BRCC3: variants seen among roughly 807,000 people sequenced by gnomAD.
BRCC3 encodes the protein BRCA1/BRCA2-containing complex subunit 3.
BRCC3 carries 15 observed loss-of-function variants against 28.0 expected under a neutral mutation model. The ratio of observed to expected loss-of-function variants is 0.54; its 90% CI spans 0.36 to 0.82. BRCC3 has a LOEUF of 0.82. Among genes scored for constraint, BRCC3 ranks in the 40% least tolerant of loss-of-function variants. The probability of loss-of-function intolerance (pLI) is 0.01; values close to 1 mark genes in which losing one functional copy is unlikely to be tolerated. For synonymous variants in BRCC3, 66 were observed against 80.3 expected (o/e 0.82, Z 0.95); for missense variants, 109 against 225.9 (o/e 0.48, Z 3.32).
intron 7 of BRCC3, among the ~76,000 whole-genome samples, chrX:155,096,727 C>G (rs1715249173): frequency 8.9e-6 from 1 of 112,141 alleles, no homozygotes; most frequent in African/African-American, 3.2e-5. Context: ...AAGAACAAAG[C>G]TGGAGAAATC....
At chrX:155,075,751 A>T (rs2074035136) in intron 3 of BRCC3, among the ~76,000 whole-genome samples, 1 of 112,218 alleles carries the variant, frequency 8.9e-6, no homozygotes, top group South Asian at 3.6e-4. Context: ...GTTTATCTGA[A>T]ATAATTTTTT....
intron 7 of BRCC3, among the ~76,000 whole-genome samples, chrX:155,097,857 G>T (rs1017649248): frequency 3.6e-5 from 4 of 111,922 alleles, no homozygotes; most frequent in South Asian, 7.4e-4. Context: ...TTAGCTGGGC[G>T]TGGTGGCAGA....
Position 155,116,697 on chromosome X carries a change from A to G in BRCC3, c.681-14A>G, listed in dbSNP as rs375022500. ...TGCTGCTTTGCCACTAACCTAAACT[A>G]TTTTATTCTTTAGCCTTACACATCT... On this transcript the variant is annotated splice_polypyrimidine_tract_variant and intron_variant, in intron 8 of 10. Transcript: ENST00000330045. 5.0e-5 allele frequency: 58 copies of G among 1,160,725 alleles called. No individual in the cohort carries two copies. The highest frequency in any genetic ancestry group is 5.8e-5 in the Non-Finnish European group (50 of 861,722).
intron 9 of BRCC3, among the ~76,000 whole-genome samples, chrX:155,119,586 C>T (rs782055893): frequency 1.8e-5 from 2 of 112,326 alleles, no homozygotes; most frequent in Non-Finnish European, 3.8e-5. Flanking sequence ...TATATACCTA[C>T]AGGGCGCTCT....
At chrX:155,109,030 G>A (rs1219656792) in intron 7 of BRCC3, among the ~76,000 whole-genome samples, 1 of 111,674 alleles carries the variant, frequency 9.0e-6, no homozygotes, top group Non-Finnish European at 1.9e-5. Flanking sequence ...GATGTGGGAT[G>A]TGAGTTGACA....
intron 7 of BRCC3, 101 bp downstream of exon 7, chrX:155,090,940 A>G (rs1158266758): frequency 5.0e-6 from 3 of 595,356 alleles, no homozygotes; most frequent in Non-Finnish European, 8.2e-6. Context: ...GTAAGACACT[A>G]AGACACTGCA....
chrX:155,119,952 A>G (rs1432283173), intron 9 of BRCC3, 47 bp from the exon 10 acceptor site: 1 of 1,121,176 alleles, frequency 8.9e-7, no homozygotes, highest in Non-Finnish European at 1.2e-6. Context: ...ATGCTAGTGG[A>G]TGGTGCTTTT....
chrX:155,101,407 A>G (rs782319560), intron 7 of BRCC3, among the ~76,000 whole-genome samples: 7 of 111,780 alleles, frequency 6.3e-5, no homozygotes, highest in Non-Finnish European at 1.3e-4. Flanking sequence ...TTTAGCATTC[A>G]TCAATTAGTA....
intron 6 of BRCC3, 88 bp downstream of exon 6, chrX:155,089,439 G>A (rs1333254539): frequency 4.4e-5 from 24 of 545,511 alleles, no homozygotes; most frequent in Non-Finnish European, 5.7e-5. Context: ...ATCTCTTTGC[G>A]ATTTTAATAG....
chrX:155,098,583 A>G (rs1443743528), intron 7 of BRCC3, among the ~76,000 whole-genome samples: 1 of 112,231 alleles, frequency 8.9e-6, no homozygotes, highest in Non-Finnish European at 1.9e-5. Context: ...AGCCACATCC[A>G]TTTATTTACA....
intron 3 of BRCC3, among the ~76,000 whole-genome samples, chrX:155,074,593 C>G (rs186902827): frequency 4.5e-5 from 5 of 111,995 alleles, no homozygotes; most frequent in African/African-American, 1.6e-4. Flanking sequence ...AAATCTCTGA[C>G]TAAAGCAAGA....
intron 7 of BRCC3, among the ~76,000 whole-genome samples, chrX:155,108,404 C>T (rs2074298066): frequency 8.9e-6 from 1 of 111,897 alleles, no homozygotes; most frequent in African/African-American, 3.2e-5. Flanking sequence ...TTACATAAGC[C>T]TCTTTTTGCC....
At chrX:155,115,424 C>T (rs1036427930) in intron 7 of BRCC3, among the ~76,000 whole-genome samples, 13 of 112,086 alleles carry the variant, frequency 1.2e-4, no homozygotes, top group Admixed American at 7.5e-4. Context: ...TCCACTGAAC[C>T]TGCTGGTAGG....
intron 7 of BRCC3, among the ~76,000 whole-genome samples, chrX:155,113,118 G>C (rs1221847101): frequency 2.1e-5 from 1 of 48,424 alleles, no homozygotes; most frequent in Non-Finnish European, 3.5e-5. Flanking sequence ...TGGCTTGCTT[G>C]CTTTTTTTTT....
At chrX:155,101,600 G>T in intron 7 of BRCC3, among the ~76,000 whole-genome samples, 1 of 111,644 alleles carries the variant, frequency 9.0e-6, no homozygotes, top group Non-Finnish European at 1.9e-5. Context: ...TTTATTCAAT[G>T]AGTTTTAATC....
chrX:155,085,258 T>C (rs1405771128), intron 5 of BRCC3, among the ~76,000 whole-genome samples: 2 of 112,766 alleles, frequency 1.8e-5, no homozygotes, highest in Non-Finnish European at 3.7e-5. Context: ...AATGGGCTTT[T>C]AATACTACAT....
At chrX:155,086,891 T>C (rs1191688592) in intron 5 of BRCC3, among the ~76,000 whole-genome samples, 2 of 112,141 alleles carry the variant, frequency 1.8e-5, no homozygotes, top group Non-Finnish European at 3.8e-5. Flanking sequence ...AAGCATCTCA[T>C]ACCTCTGTTG....
chrX:155,078,144 C>T (rs917632869), intron 4 of BRCC3, among the ~76,000 whole-genome samples: 7 of 112,503 alleles, frequency 6.2e-5, no homozygotes, highest in African/African-American at 2.3e-4. Flanking sequence ...AAGAAATGGG[C>T]TAAGAGAAGT....
chrX:155,108,613 T>C (rs1179721131), intron 7 of BRCC3, among the ~76,000 whole-genome samples: 2 of 112,508 alleles, frequency 1.8e-5, no homozygotes, highest in Non-Finnish European at 3.8e-5. Flanking sequence ...TATCTTATTG[T>C]GGTTTTAATT....
Sources: allele counts gnomAD v4.1 joint callset (sites outside exome capture counted in the v4.1 genomes callset), GRCh38; gene constraint gnomAD v4.1.1; transcripts MANE v1.5; gene names NCBI Gene and HGNC (gene_info 2026-07-23, HGNC 2026-07-21).